Variants in MPP7 observed in about 807,000 individuals in gnomAD.
The protein encoded by MPP7 is MAGUK p55 scaffold protein 7, also known as MAGUK p55 subfamily member 7.
A neutral mutation model predicts 76.5 loss-of-function variants in MPP7; 60 were observed. The observed-to-expected ratio is 0.78, with a 90% CI of 0.64 to 0.97. The LOEUF is 0.97. Among genes scored for constraint, MPP7 ranks in the 50% least tolerant of loss-of-function variants. The pLI, the probability that MPP7 is intolerant of heterozygous loss-of-function variation, is 0.00. For missense variants in MPP7, 641 were observed against 694.0 expected, an observed-to-expected ratio of 0.92 and a Z score of 0.86; for synonymous variants, 237 against 244.5, an observed-to-expected ratio of 0.97 and a Z score of 0.29.
chr10:28,159,347 A>C (rs1029988652), intron 3 of MPP7, among the ~76,000 whole-genome samples: 6 of 152,230 alleles, frequency 3.9e-5, no homozygotes, highest in African/African-American at 1.4e-4. Flanking sequence ...ATCTACTGAT[A>C]ATTTGTAATA....
rs34887665 is a variant in MPP7 at position 28,166,400 on chromosome 10, ATT to A, written c.157-16343_157-16342del. On this transcript the variant is annotated intron_variant, in intron 3 of 16. Coordinates refer to ENST00000683449, the MANE Select transcript of MPP7 (RefSeq NM_001318170.2). ...TACCCAGATTATTTTTTACCTTTTAATTTTTTTTTTTTTTTTTTTTTTTTGGG... is the reference window on the plus strand; with the variant it reads ...TACCCAGATTATTTTTTACCTTTTAATTTTTTTTTTTTTTTTTTTTTTGGG... Among the ~76,000 whole-genome samples, 407 of 93,428 alleles carry A rather than the reference ATT, an allele frequency of 4.4e-3. 5 individuals carry two copies. In the East Asian group the frequency reaches 0.051, roughly 12 times the overall value. 61.3% of individuals were successfully genotyped at this position (93,428 alleles called of 152,430 possible).
chr10:28,118,695 C>T, intron 11 of MPP7: 1 of 985,378 alleles, frequency 1.0e-6, no homozygotes, highest in Non-Finnish European at 1.2e-6. Context: ...CAAGGACAAG[C>T]AGGCTTTTGA....
chr10:28,057,598 T>A lies in MPP7; in HGVS notation c.1407+897A>T, dbSNP rs1309841328. ...ACAGTCTGCAGAGCAGTGAGCCAAT[T>A]AAACCTCTTTTTTTTTTTTTTTTTT... is the stretch of plus-strand genomic sequence containing the variant. On this transcript the variant is annotated intron_variant, in intron 15 of 16. Transcript: ENST00000683449. The A allele has an allele frequency of 1.5e-5, 6 of 401,640 alleles. No homozygotes were observed. The East Asian group carries it at 1.2e-3, about 82-fold the overall frequency. The allele number at this position is 401,640 out of a possible 1,614,324, so 24.9% of individuals were successfully genotyped here. A position where few individuals can be genotyped will look rare whatever the true frequency, so the allele number is the denominator to read the frequency against.
At chr10:28,120,125 C>CA (rs1365049888) in intron 10 of MPP7, 69 bp downstream of exon 10, 2 of 1,478,516 alleles carry the variant, frequency 1.4e-6, no homozygotes, top group African/African-American at 2.8e-5. Context: ...ACATCAATGC[C>CA]AGAATGATAT....
intron 1 of MPP7, among the ~76,000 whole-genome samples, chr10:28,274,409 T>A (rs1290571509): frequency 2.0e-5 from 3 of 152,114 alleles, no homozygotes; most frequent in Non-Finnish European, 4.4e-5. Flanking sequence ...AAAATTTTTT[T>A]AAAATATTAC....
intron 2 of MPP7, among the ~76,000 whole-genome samples, chr10:28,221,889 A>C (rs1474400735): frequency 6.6e-6 from 1 of 152,208 alleles, no homozygotes. Flanking sequence ...AGTTTTTATC[A>C]GTATTTTCAA....
chr10:28,222,592 G>A (rs991833452), intron 2 of MPP7, among the ~76,000 whole-genome samples: 18 of 152,148 alleles, frequency 1.2e-4, no homozygotes, highest in African/African-American at 4.1e-4. Context: ...AGTGGTTCAC[G>A]CCTGTAATCC....
At chr10:28,098,109 T>A (rs1392011283) in intron 11 of MPP7, among the ~76,000 whole-genome samples, 1 of 152,096 alleles carries the variant, frequency 6.6e-6, no homozygotes, top group Non-Finnish European at 1.5e-5. Context: ...TTTCATATTA[T>A]AGATAAATAT....
At chr10:28,127,215 T>C (rs1835044752) in intron 6 of MPP7, among the ~76,000 whole-genome samples, 1 of 152,212 alleles carries the variant, frequency 6.6e-6, no homozygotes, top group Non-Finnish European at 1.5e-5. Flanking sequence ...TTTGACTTAT[T>C]CTGTATTCAA....
upstream of MPP7, chr10:28,303,489 C>T (rs561835456): frequency 2.0e-5 from 3 of 152,324 alleles, no homozygotes; most frequent in Admixed American, 6.5e-5. Context: ...TAATCTTTAA[C>T]TTCCTTTGGA....
chr10:28,179,993 C>T (rs969725871), intron 3 of MPP7, among the ~76,000 whole-genome samples: 2 of 152,078 alleles, frequency 1.3e-5, no homozygotes, highest in African/African-American at 4.8e-5. Flanking sequence ...AGATGCTATG[C>T]TTCCAAAGTG....
At chr10:28,299,911 C>G (rs537710904) in intron 1 of MPP7, among the ~76,000 whole-genome samples, 1 of 151,930 alleles carries the variant, frequency 6.6e-6, no homozygotes, top group South Asian at 2.1e-4. Context: ...GGATTACAGG[C>G]GCCCACCACC....
intron 3 of MPP7, among the ~76,000 whole-genome samples, chr10:28,163,592 G>C (rs1401257350): frequency 6.6e-6 from 1 of 152,030 alleles, no homozygotes; most frequent in Non-Finnish European, 1.5e-5. Context: ...AATAAATCAG[G>C]TTAAAAAAAT....
At chr10:28,204,190 C>T (rs1218677912) in intron 2 of MPP7, among the ~76,000 whole-genome samples, 1 of 152,160 alleles carries the variant, frequency 6.6e-6, no homozygotes, top group African/African-American at 2.4e-5. Context: ...CGCCCATAAT[C>T]CCAGCACTTT....
intron 3 of MPP7, among the ~76,000 whole-genome samples, chr10:28,169,885 G>A (rs1040513265): frequency 4.6e-5 from 7 of 152,080 alleles, no homozygotes; most frequent in Non-Finnish European, 7.4e-5. Flanking sequence ...TGACAGTTTT[G>A]TTTCTTTCTT....
chr10:28,260,548 C>T (rs917098863), intron 1 of MPP7, among the ~76,000 whole-genome samples: 8 of 151,730 alleles, frequency 5.3e-5, no homozygotes, highest in African/African-American at 9.7e-5. Flanking sequence ...CCAAGGTGGG[C>T]GGATCACCTG....
At chr10:28,068,305 T>G (rs1375270185) in intron 13 of MPP7, among the ~76,000 whole-genome samples, 1 of 152,038 alleles carries the variant, frequency 6.6e-6, no homozygotes, top group Admixed American at 6.6e-5. Flanking sequence ...AGCAATAATT[T>G]AGAAAAATGT....
At chr10:28,218,587 T>C (rs559869402) in intron 2 of MPP7, among the ~76,000 whole-genome samples, 5 of 152,192 alleles carry the variant, frequency 3.3e-5, no homozygotes, top group South Asian at 2.1e-4. Context: ...TAAGACCTAA[T>C]AGGAGGCTTT....
intron 2 of MPP7, among the ~76,000 whole-genome samples, chr10:28,309,883 C>T (rs1841279923): frequency 6.6e-6 from 1 of 152,072 alleles, no homozygotes; most frequent in African/African-American, 2.4e-5. Context: ...CATGATATGC[C>T]TGATCCCCTT....
Sources: gnomAD v4.1 joint callset for allele counts (sites outside exome capture counted in the v4.1 genomes callset) on GRCh38, gnomAD v4.1.1 for gene constraint, MANE v1.5 for transcripts, NCBI Gene and HGNC (gene_info 2026-07-23, HGNC 2026-07-21) for gene names.